Variants in GSN observed in about 807,000 individuals in gnomAD.
GSN encodes actin-depolymerizing factor.
A neutral mutation model predicts 85.7 loss-of-function variants in GSN; 56 were observed. That is an observed-to-expected ratio of 0.65 (90% CI 0.53 to 0.82). GSN has a LOEUF of 0.82. GSN is among the 40% of genes least tolerant of loss of function. The probability of loss-of-function intolerance (pLI) is 0.00; values close to 1 mark genes in which losing one functional copy is unlikely to be tolerated. For missense variants in GSN, 857 were observed against 979.8 expected, an observed-to-expected ratio of 0.87 and a Z score of 1.67; for synonymous variants, 373 against 399.1, an observed-to-expected ratio of 0.93 and a Z score of 0.78.
intron 5 of GSN, chr9:121,311,346 C>T: frequency 5.5e-6 from 1 of 182,264 alleles, no homozygotes; most frequent in Admixed American, 5.4e-5. Flanking sequence ...ACTTGTCTCA[C>T]AAATCCCTGG....
intron 12 of GSN, among the ~76,000 whole-genome samples, chr9:121,325,046 C>A (rs111513503): frequency 1.1e-4 from 16 of 152,332 alleles, no homozygotes; most frequent in African/African-American, 3.1e-4. Flanking sequence ...TGAATCCTGT[C>A]CTCACCTCTG....
intron 5 of GSN, 47 bp downstream of exon 5, chr9:121,310,892 G>C (rs773772370): frequency 6.3e-7 from 1 of 1,586,790 alleles, no homozygotes; most frequent in Non-Finnish European, 8.6e-7. Context: ...GGTGCTCCTG[G>C]TCTGATCAGG....
intron 4 of GSN, among the ~76,000 whole-genome samples, chr9:121,214,842 T>C (rs887752457): frequency 6.6e-6 from 1 of 152,230 alleles, no homozygotes; most frequent in Non-Finnish European, 1.5e-5. Flanking sequence ...ATGTACCTCC[T>C]GGAAGTACCT....
chr9:121,289,999 A>G (rs10818525), intron 2 of GSN, among the ~76,000 whole-genome samples: 72,454 of 151,972 alleles, frequency 0.48, 18,348 homozygotes, highest in East Asian at 0.76. Flanking sequence ...TGGGGACACC[A>G]AACCAGGACA....
intron 1 of GSN, among the ~76,000 whole-genome samples, chr9:121,278,623 A>G (rs1376872762): frequency 6.6e-6 from 1 of 152,234 alleles, no homozygotes; most frequent in East Asian, 1.9e-4. Context: ...GATGTGATTC[A>G]GCAAACAGGC....
intron 2 of GSN, among the ~76,000 whole-genome samples, chr9:121,298,152 G>C (rs746831170): frequency 1.3e-5 from 2 of 151,930 alleles, no homozygotes; most frequent in African/African-American, 2.4e-5. Context: ...TGGCACACAG[G>C]CCTCGGTGAC....
chr9:121,231,376 G>A (rs547974780), intron 5 of GSN: 17 of 152,034 alleles, frequency 1.1e-4, no homozygotes, highest in Admixed American at 3.3e-4. Context: ...TTGATAACTC[G>A]TGAAAGCCTT....
intron 4 of GSN, chr9:121,310,347 T>G: frequency 5.7e-6 from 2 of 352,694 alleles, no homozygotes; most frequent in South Asian, 2.5e-5. Flanking sequence ...TGTTGCAGTT[T>G]TTTTGATTTA....
rs780754271 is a variant in GSN at position 121,317,695 on chromosome 9, C to T, written c.886+477C>T. 2.9e-5 allele frequency: 7 copies of T among 245,306 alleles called. 1 individual carries two copies. In the East Asian group the frequency reaches 7.3e-4, roughly 25 times the overall value. The allele number at this position is 245,306 out of a possible 1,614,324, so 15.2% of individuals were successfully genotyped here. On this transcript the variant is annotated intron_variant, in intron 8 of 17. Transcript: ENST00000432226. ...CTTTCGGTACTATCTTGTGGGAATT[C>T]TCTTGGAAACCATTGGCCCAGATGT...
chr9:121,290,185 T>C (rs549936029), intron 2 of GSN, among the ~76,000 whole-genome samples: 90 of 152,090 alleles, frequency 5.9e-4, no homozygotes, highest in South Asian at 3.5e-3. Context: ...ACTTGAAGGA[T>C]AGTGCTGGTG....
intron 2 of GSN, among the ~76,000 whole-genome samples, chr9:121,300,995 T>C (rs1056947280): frequency 2.6e-5 from 4 of 152,172 alleles, no homozygotes; most frequent in Non-Finnish European, 4.4e-5. Flanking sequence ...TGGAAATCTT[T>C]CCACTTCCAA....
Position 121,299,919 on chromosome 9 carries a change from G to T in GSN, c.-9-2044G>T. 1 of 1,262,792 alleles carries T rather than the reference G, an allele frequency of 7.9e-7. No homozygotes were observed. Among genetic ancestry groups the T allele is most frequent in the South Asian group, 3.4e-5 (1 of 29,760 alleles). The allele number at this position is 1,262,792 out of a possible 1,614,324, so 78.2% of individuals were successfully genotyped here. ...TTGCGCGCTGTCCCTGGCGCTGTGC[G>T]CGCTGTCGCTGCCCGTCCGCGCGGC... On this transcript the variant is annotated intron_variant, in intron 2 of 17. Coordinates refer to ENST00000432226, the MANE Select transcript of GSN (RefSeq NM_198252.3). This position sits in a 1 kb window ranked among gnomAD's most constrained non-coding sequence, Gnocchi z 4.2.
chr9:121,310,969 T>G, intron 5 of GSN, 124 bp downstream of exon 5: 1 of 828,102 alleles, frequency 1.2e-6, no homozygotes, highest in Non-Finnish European at 2.0e-6. Context: ...ACCAGCATTG[T>G]TCACGTACAG....
intron 2 of GSN, chr9:121,286,067 T>C: frequency 6.6e-7 from 1 of 1,512,542 alleles, no homozygotes. Context: ...AGACTAATCC[T>C]GAGTCCTATT....
At chr9:121,245,608 G>T (rs1031707588) in intron 5 of GSN, among the ~76,000 whole-genome samples, 1 of 152,216 alleles carries the variant, frequency 6.6e-6, no homozygotes, top group African/African-American at 2.4e-5. Context: ...CGATGCTCCT[G>T]CCTCGGCCTC....
At chr9:121,281,391 G>T in intron 1 of GSN, 79 bp from the exon 2 acceptor site, 1 of 359,924 alleles carries the variant, frequency 2.8e-6, no homozygotes. Context: ...GAGGAAAGGG[G>T]TTGAAACATC....
upstream of GSN, among the ~76,000 whole-genome samples, chr9:121,207,506 C>T (rs193152585): frequency 7.9e-5 from 12 of 152,326 alleles, no homozygotes; most frequent in East Asian, 2.3e-3. Flanking sequence ...GCCTGCCCTA[C>T]AAACATCCTT....
chr9:121,278,815 A>G (rs1030368236), intron 1 of GSN, among the ~76,000 whole-genome samples: 34 of 152,222 alleles, frequency 2.2e-4, no homozygotes, highest in African/African-American at 8.2e-4. Flanking sequence ...GCTGGGGCTA[A>G]TTCTAAACCT....
At chr9:121,288,560 G>A (rs78705350) in intron 2 of GSN, among the ~76,000 whole-genome samples, 12,448 of 152,274 alleles carry the variant, frequency 0.082, 732 homozygotes, top group Non-Finnish European at 0.12. Flanking sequence ...CTCGGTGAAT[G>A]TGAGTATCAG....
Sources: gnomAD v4.1 joint callset for allele counts (sites outside exome capture counted in the v4.1 genomes callset) on GRCh38, gnomAD v4.1.1 for gene constraint, Gnocchi (gnomAD v3.1) non-coding constraint, MANE v1.5 for transcripts, NCBI Gene and HGNC (gene_info 2026-07-23, HGNC 2026-07-21) for gene names.